The following CD2AP variants were observed in gnomAD, a reference collection of about 807,000 sequenced individuals.
CD2AP encodes the protein CD2-associated protein.
Under a neutral mutation model 85.1 loss-of-function variants are expected in CD2AP, and 46 were observed. The observed-to-expected ratio is 0.54, with a 90% CI of 0.43 to 0.69. The LOEUF (loss-of-function observed/expected upper bound fraction) is 0.69. CD2AP is among the 30% of genes least tolerant of loss of function. The pLI is 0.00. For synonymous variants in CD2AP, 255 were observed against 252.9 expected (o/e 1.01, Z -0.08); for missense variants, 769 against 729.5 (o/e 1.05, Z -0.62).
chr6:47,573,212 T>C (rs894305014), intron 5 of CD2AP, among the ~76,000 whole-genome samples: 2 of 152,134 alleles, frequency 1.3e-5, no homozygotes, highest in South Asian at 2.1e-4. Flanking sequence ...AATGTTAAAC[T>C]TAAAAATTTT....
intron 3 of CD2AP, among the ~76,000 whole-genome samples, chr6:47,535,091 T>A (rs1766995301): frequency 6.6e-6 from 1 of 152,188 alleles, no homozygotes; most frequent in African/African-American, 2.4e-5. Context: ...GCCACCATGC[T>A]AGCCTAGAGA....
chr6:47,505,686 T>A (rs866188036), intron 2 of CD2AP, among the ~76,000 whole-genome samples: 3 of 44,546 alleles, frequency 6.7e-5, no homozygotes, highest in Non-Finnish European at 1.6e-4. Flanking sequence ...GACCCCCCCA[T>A]CTCCCTCCCG....
intron 17 of CD2AP, among the ~76,000 whole-genome samples, chr6:47,622,065 G>C (rs945371286): frequency 1.3e-5 from 2 of 152,198 alleles, no homozygotes; most frequent in African/African-American, 4.8e-5. Flanking sequence ...CACTGGAGTT[G>C]TGTAGCTAGG....
chr6:47,608,174 G>T, intron 15 of CD2AP, 146 bp downstream of exon 15: 1 of 655,562 alleles, frequency 1.5e-6, no homozygotes. Context: ...GAGTTGTTTA[G>T]CTTCATCAGA....
intron 3 of CD2AP, among the ~76,000 whole-genome samples, chr6:47,541,924 C>T (rs1767225829): frequency 6.6e-6 from 1 of 152,224 alleles, no homozygotes; most frequent in African/African-American, 2.4e-5. Context: ...GTCCAGATTA[C>T]TTCTTAGGAT....
At chr6:47,590,197 T>C (rs1768753213) in intron 11 of CD2AP, among the ~76,000 whole-genome samples, 1 of 152,192 alleles carries the variant, frequency 6.6e-6, no homozygotes, top group African/African-American at 2.4e-5. Context: ...ATACTAGATA[T>C]AAGCTTTAAA....
intron 2 of CD2AP, among the ~76,000 whole-genome samples, chr6:47,516,478 A>G (rs1766456728): frequency 6.6e-6 from 1 of 152,254 alleles, no homozygotes; most frequent in Non-Finnish European, 1.5e-5. Context: ...ATGCAAAAGA[A>G]CAGTAGAACT....
At chr6:47,538,856 A>G (rs1400295909) in intron 3 of CD2AP, among the ~76,000 whole-genome samples, 1 of 152,248 alleles carries the variant, frequency 6.6e-6, no homozygotes, top group Non-Finnish European at 1.5e-5. Flanking sequence ...ACTCACATTT[A>G]GAAATTAGAG....
intron 16 of CD2AP, 53 bp downstream of exon 16, chr6:47,609,357 A>AT: frequency 2.8e-6 from 4 of 1,404,704 alleles, no homozygotes; most frequent in South Asian, 1.2e-5. Context: ...TGCATAAAGA[A>AT]TTTTTTTCAA....
At chr6:47,567,789 G>C (rs902480355) in intron 5 of CD2AP, among the ~76,000 whole-genome samples, 1 of 152,180 alleles carries the variant, frequency 6.6e-6, no homozygotes, top group Non-Finnish European at 1.5e-5. Flanking sequence ...TGAGCCTGGA[G>C]AAATTATTGG....
chr6:47,507,139 ACTC>A (rs1766193885), intron 2 of CD2AP, among the ~76,000 whole-genome samples: 1 of 151,530 alleles, frequency 6.6e-6, no homozygotes, highest in Middle Eastern at 3.2e-3. Flanking sequence ...ATAGGAAGCA[ACTC>A]CTCATCTGTC....
At chr6:47,594,825 C>T (rs760855710) in intron 11 of CD2AP, among the ~76,000 whole-genome samples, 10 of 151,872 alleles carry the variant, frequency 6.6e-5, no homozygotes, top group Non-Finnish European at 1.2e-4. Flanking sequence ...ATTTTGTATT[C>T]ATTGTGAAAT....
At chr6:47,621,941 G>A (rs1272320921) in intron 17 of CD2AP, among the ~76,000 whole-genome samples, 1 of 152,192 alleles carries the variant, frequency 6.6e-6, no homozygotes, top group African/African-American at 2.4e-5. Context: ...CACTACTAGG[G>A]TGGGTAGGGA....
At chr6:47,544,779 AAGAATATT>A (rs1767322439) in intron 4 of CD2AP, 73 bp downstream of exon 4, 1 of 905,490 alleles carries the variant, frequency 1.1e-6, no homozygotes, top group African/African-American at 1.6e-5. Flanking sequence ...AATTAATTGT[AAGAATATT>A]AGTCTTTTGT....
intron 2 of CD2AP, among the ~76,000 whole-genome samples, chr6:47,509,351 TAC>T (rs899933266): frequency 4.0e-5 from 6 of 151,492 alleles, no homozygotes; most frequent in African/African-American, 1.5e-4. Context: ...AAAAATGTAA[TAC>T]AGAGACATAA....
chr6:47,612,634 A>G (rs895424425), intron 17 of CD2AP, 98 bp downstream of exon 17: 9 of 783,814 alleles, frequency 1.1e-5, no homozygotes, highest in African/African-American at 1.0e-4. Flanking sequence ...AAATTATGCT[A>G]TACTACTTCA....
At chr6:47,561,692 A>G (rs1401413105) in intron 5 of CD2AP, among the ~76,000 whole-genome samples, 1 of 152,222 alleles carries the variant, frequency 6.6e-6, no homozygotes, top group Non-Finnish European at 1.5e-5. Context: ...ACCAGAAGGT[A>G]TATTTTCATC....
chr6:47,562,274 G>C (rs1295129286), intron 5 of CD2AP, among the ~76,000 whole-genome samples: 1 of 152,128 alleles, frequency 6.6e-6, no homozygotes, highest in African/African-American at 2.4e-5. Context: ...CATGAATTTA[G>C]TGTCTAAAAG....
intron 1 of CD2AP, among the ~76,000 whole-genome samples, chr6:47,482,581 T>C (rs558255870): frequency 3.7e-4 from 56 of 152,176 alleles, no homozygotes; most frequent in African/African-American, 1.3e-3. Context: ...GGTTTCACCG[T>C]GTTAGCCAGG....
Sources: allele counts gnomAD v4.1 joint callset (sites outside exome capture counted in the v4.1 genomes callset), GRCh38; gene constraint gnomAD v4.1.1; transcripts MANE v1.5; gene names NCBI Gene and HGNC (gene_info 2026-07-23, HGNC 2026-07-21).